ULK4: variants seen among roughly 807,000 people sequenced by gnomAD.
ULK4 encodes the protein unc-51 like kinase 4.
Under a neutral mutation model 160.6 loss-of-function variants are expected in ULK4, and 133 were observed. The observed-to-expected ratio is 0.83, with a 90% confidence interval of 0.72 to 0.96. The LOEUF (loss-of-function observed/expected upper bound fraction) is 0.96, where lower values mean the gene tolerates loss of function less well. Among genes scored for constraint, ULK4 ranks in the 40% least tolerant of loss-of-function variants. The probability of loss-of-function intolerance (pLI) is 0.00; values close to 1 mark genes in which losing one functional copy is unlikely to be tolerated. For synonymous variants in ULK4, 534 were observed against 539.8 expected (o/e 0.99, Z 0.15); for missense variants, 1,580 against 1,499.5 (o/e 1.05, Z -0.89).
intron 34 of ULK4, among the ~76,000 whole-genome samples, chr3:41,422,750 CTG>C (rs1313697685): frequency 6.6e-6 from 1 of 152,018 alleles, no homozygotes; most frequent in Non-Finnish European, 1.5e-5. Flanking sequence ...AGAGTATAAA[CTG>C]TTAGAATCTT....
At chr3:41,411,243 G>A (rs1168666335) in intron 34 of ULK4, among the ~76,000 whole-genome samples, 2 of 152,032 alleles carry the variant, frequency 1.3e-5, no homozygotes, top group African/African-American at 4.8e-5. Flanking sequence ...CTGGTTCAGG[G>A]AAGTGGGGGG....
chr3:41,946,130 T>C (rs991117931), intron 2 of ULK4, among the ~76,000 whole-genome samples: 3 of 152,182 alleles, frequency 2.0e-5, no homozygotes, highest in Admixed American at 6.6e-5. Flanking sequence ...AATTTAAGCA[T>C]ACAATTATGG....
rs373961651 is a variant in ULK4 at position 41,783,821 on chromosome 3, C to T, written c.2193+5840G>A. ...TGAGCTCATCCAATATATTTCTCCC[C>T]AATAAACAGCAGGAAACATCCATGA... On this transcript the variant is annotated intron_variant, in intron 21 of 36. Transcript: ENST00000301831. Among the ~76,000 whole-genome samples, 79 of 152,194 alleles carry T rather than the reference C, an allele frequency of 5.2e-4. 2 individuals are homozygous for T. The South Asian group carries it at 0.016, about 31-fold the overall frequency.
intron 32 of ULK4, among the ~76,000 whole-genome samples, chr3:41,527,078 A>C (rs1470866877): frequency 6.6e-6 from 1 of 152,234 alleles, no homozygotes; most frequent in Non-Finnish European, 1.5e-5. Flanking sequence ...ACTCTTATGA[A>C]CTTTGTAAAG....
At chr3:41,478,994 A>G (rs2084227224) in intron 32 of ULK4, among the ~76,000 whole-genome samples, 1 of 152,276 alleles carries the variant, frequency 6.6e-6, no homozygotes, top group Non-Finnish European at 1.5e-5. Flanking sequence ...GGAAGAGAAT[A>G]GAGTGGAGAT....
At chr3:41,789,459 T>C (rs1014047725) in intron 21 of ULK4, among the ~76,000 whole-genome samples, 1 of 152,216 alleles carries the variant, frequency 6.6e-6, no homozygotes, top group Non-Finnish European at 1.5e-5. Context: ...AGAAGCCATT[T>C]AAAGAATTTC....
intron 30 of ULK4, among the ~76,000 whole-genome samples, chr3:41,627,484 C>T (rs913973945): frequency 2.0e-5 from 3 of 152,220 alleles, no homozygotes; most frequent in African/African-American, 4.8e-5. Context: ...AGCCCCCATC[C>T]GGCAAGGACA....
At chr3:41,901,399 C>T (rs552960544) in intron 12 of ULK4, among the ~76,000 whole-genome samples, 23 of 150,562 alleles carry the variant, frequency 1.5e-4, no homozygotes, top group African/African-American at 5.1e-4. Flanking sequence ...CCAGGATGGT[C>T]TCAATCTCCT....
chr3:41,905,682 C>T (rs1698528071), intron 12 of ULK4, among the ~76,000 whole-genome samples: 1 of 151,996 alleles, frequency 6.6e-6, no homozygotes, highest in South Asian at 2.1e-4. Context: ...AAATATTTCT[C>T]CAAAGAAAAT....
At chr3:41,574,148 C>A (rs1242519381) in intron 31 of ULK4, among the ~76,000 whole-genome samples, 1 of 152,192 alleles carries the variant, frequency 6.6e-6, no homozygotes, top group Non-Finnish European at 1.5e-5. Context: ...CATTGCACTG[C>A]AGCCTGGGCA....
intron 2 of ULK4, among the ~76,000 whole-genome samples, chr3:41,953,285 C>CACATATATATATATAT (rs374288098): frequency 0.012 from 1,059 of 85,330 alleles, 9 homozygotes; most frequent in Non-Finnish European, 0.019. Flanking sequence ...CATATATACA[C>CACATATATATATATAT]ATATATATAT....
intron 32 of ULK4, among the ~76,000 whole-genome samples, chr3:41,511,123 A>T (rs1206480260): frequency 6.8e-6 from 1 of 146,510 alleles, no homozygotes; most frequent in African/African-American, 2.6e-5. Flanking sequence ...AGATCATGCC[A>T]CTGCACTCCA....
intron 7 of ULK4, among the ~76,000 whole-genome samples, chr3:41,917,012 C>G (rs1009095833): frequency 5.9e-5 from 9 of 152,002 alleles, no homozygotes; most frequent in Admixed American, 1.3e-4. Flanking sequence ...CCGGCCCCAG[C>G]TTAACTATTA....
intron 30 of ULK4, among the ~76,000 whole-genome samples, chr3:41,650,575 T>C (rs572373908): frequency 6.6e-6 from 1 of 152,324 alleles, no homozygotes; most frequent in African/African-American, 2.4e-5. Flanking sequence ...CACCTGACTG[T>C]GCGCAGTGGA....
chr3:41,561,289 C>T (rs1319623863), intron 32 of ULK4, among the ~76,000 whole-genome samples: 1 of 152,128 alleles, frequency 6.6e-6, no homozygotes, highest in Non-Finnish European at 1.5e-5. Flanking sequence ...AGGATTTTTG[C>T]ATCAATGTTC....
chr3:41,944,357 C>G (rs1700051232), intron 2 of ULK4, among the ~76,000 whole-genome samples: 1 of 152,186 alleles, frequency 6.6e-6, no homozygotes, highest in Admixed American at 6.5e-5. Context: ...GGAGAATTGC[C>G]TGAATCCAAG....
intron 29 of ULK4, among the ~76,000 whole-genome samples, chr3:41,678,693 T>C (rs2035819144): frequency 6.6e-6 from 1 of 152,246 alleles, no homozygotes; most frequent in African/African-American, 2.4e-5. Flanking sequence ...AATACAATAC[T>C]TCCCTGTGCG....
chr3:41,405,582 T>C (rs2082276541), intron 34 of ULK4, among the ~76,000 whole-genome samples: 1 of 152,198 alleles, frequency 6.6e-6, no homozygotes, highest in Non-Finnish European at 1.5e-5. Flanking sequence ...TAATTTACTT[T>C]ACCACCAACA....
intron 21 of ULK4, among the ~76,000 whole-genome samples, chr3:41,762,043 C>T (rs2039000498): frequency 6.6e-6 from 1 of 152,156 alleles, no homozygotes; most frequent in Non-Finnish European, 1.5e-5. Context: ...ATGATCTCAT[C>T]ACTGCACTCC....
Sources: allele counts gnomAD v4.1 joint callset (sites outside exome capture counted in the v4.1 genomes callset), GRCh38; gene constraint gnomAD v4.1.1; transcripts MANE v1.5; gene names NCBI Gene and HGNC (gene_info 2026-07-23, HGNC 2026-07-21).